The following VDAC1 variants were observed in gnomAD, a reference collection of about 807,000 sequenced individuals.
VDAC1 encodes non-selective voltage-gated ion channel VDAC1.
Under a neutral mutation model 34.7 loss-of-function variants are expected in VDAC1, and 10 were observed. The observed-to-expected ratio is 0.29, with a 90% CI of 0.18 to 0.49. VDAC1 has a LOEUF of 0.49. Ranked by LOEUF, VDAC1 falls within the 20% of genes least tolerant of loss-of-function variation. VDAC1 has a pLI of 0.99. For missense variants in VDAC1, 230 were observed against 347.9 expected, an observed-to-expected ratio of 0.66 and a Z score of 2.69; for synonymous variants, 130 against 136.0, an observed-to-expected ratio of 0.96 and a Z score of 0.30.
At chr5:134,032,336 G>A in the VDAC1 span, among the ~76,000 whole-genome samples, 1 of 152,038 alleles carries the variant, frequency 6.6e-6, no homozygotes, top group African/African-American at 2.4e-5. Flanking sequence ...GACAATGAAT[G>A]TGTGTGGTTT....
chr5:134,090,158 A>G, the VDAC1 span, among the ~76,000 whole-genome samples: 1 of 152,248 alleles, frequency 6.6e-6, no homozygotes, highest in East Asian at 1.9e-4. Context: ...ACCTCCGAGC[A>G]CTATCCATGC....
At chr5:134,006,755 AAAAAAC>A (rs1204754386), upstream of VDAC1, among the ~76,000 whole-genome samples, 11 of 137,882 alleles carry the variant, frequency 8.0e-5, no homozygotes, top group East Asian at 1.5e-3. Context: ...CCCCAAAAAA[AAAAAAC>A]AAAAAAAAAC....
chr5:134,091,249 T>C, the VDAC1 span, among the ~76,000 whole-genome samples: 1 of 152,336 alleles, frequency 6.6e-6, no homozygotes, highest in Non-Finnish European at 1.5e-5. Flanking sequence ...AGAGCACGGC[T>C]TGTGCCCTGG....
the VDAC1 span, among the ~76,000 whole-genome samples, chr5:134,026,792 C>G: frequency 6.6e-6 from 1 of 152,194 alleles, no homozygotes; most frequent in South Asian, 2.1e-4. Flanking sequence ...TCACCCCAAG[C>G]CTGCATGGAT....
the VDAC1 span, among the ~76,000 whole-genome samples, chr5:134,070,444 C>G: frequency 6.6e-6 from 1 of 151,864 alleles, no homozygotes; most frequent in African/African-American, 2.4e-5. Flanking sequence ...CCACGCCTGG[C>G]TGAACTAAGG....
chr5:133,977,678 T>C (rs1561582095), intron 6 of VDAC1, among the ~76,000 whole-genome samples: 2 of 152,212 alleles, frequency 1.3e-5, no homozygotes, highest in Non-Finnish European at 2.9e-5. Flanking sequence ...TTCAGATTGT[T>C]GTTTATACAC....
chr5:134,103,424 G>A, the VDAC1 span, among the ~76,000 whole-genome samples: 1 of 152,094 alleles, frequency 6.6e-6, no homozygotes, highest in Admixed American at 6.6e-5. Context: ...TGCCAGGCTG[G>A]TGTCATTCTT....
At chr5:134,004,518 C>G (rs1480164105) in intron 1 of VDAC1, 2 of 153,350 alleles carry the variant, frequency 1.3e-5, no homozygotes, top group Admixed American at 6.6e-5. Flanking sequence ...CTCGCGATCC[C>G]TCCCCGCGGC....
At chr5:134,102,251 C>T in the VDAC1 span, among the ~76,000 whole-genome samples, 1 of 152,116 alleles carries the variant, frequency 6.6e-6, no homozygotes, top group African/African-American at 2.4e-5. Flanking sequence ...GAGGAACGGG[C>T]CACAGGGTCA....
the VDAC1 span, among the ~76,000 whole-genome samples, chr5:134,039,594 G>A: frequency 6.6e-6 from 1 of 152,338 alleles, no homozygotes; most frequent in Admixed American, 6.5e-5. Flanking sequence ...CTCCCAAAGT[G>A]CTGGGATTAC....
the VDAC1 span, among the ~76,000 whole-genome samples, chr5:134,040,816 C>T: frequency 1.3e-5 from 2 of 152,192 alleles, no homozygotes; most frequent in African/African-American, 4.8e-5. Context: ...CCAATAGTGT[C>T]TCCTCCCCAG....
the VDAC1 span, among the ~76,000 whole-genome samples, chr5:134,016,582 G>A: frequency 6.6e-6 from 1 of 152,184 alleles, no homozygotes; most frequent in African/African-American, 2.4e-5. Flanking sequence ...ATGCCTAAGT[G>A]GCTGGGACTT....
At chr5:134,036,116 T>G in the VDAC1 span, among the ~76,000 whole-genome samples, 2 of 151,502 alleles carry the variant, frequency 1.3e-5, no homozygotes, top group Non-Finnish European at 2.9e-5. Context: ...ACAAGAAATA[T>G]AATATTTGGA....
chr5:134,067,555 A>G, the VDAC1 span, among the ~76,000 whole-genome samples: 1 of 150,538 alleles, frequency 6.6e-6, no homozygotes, highest in Non-Finnish European at 1.5e-5. Context: ...GCTACCTCAG[A>G]GGCAGATCCA....
the VDAC1 span, among the ~76,000 whole-genome samples, chr5:134,063,533 T>G: frequency 7.2e-5 from 11 of 152,224 alleles, no homozygotes; most frequent in Non-Finnish European, 7.3e-5. Flanking sequence ...GAAAAACACT[T>G]GTGCACTGGG....
intron 1 of VDAC1, among the ~76,000 whole-genome samples, chr5:134,001,670 T>C (rs938340548): frequency 1.4e-5 from 2 of 146,286 alleles, no homozygotes; most frequent in Non-Finnish European, 3.0e-5. Context: ...GGAGCCGAGA[T>C]TGCACCACTG....
chr5:134,061,853 C>T, the VDAC1 span, among the ~76,000 whole-genome samples: 4 of 151,724 alleles, frequency 2.6e-5, no homozygotes, highest in South Asian at 2.1e-4. Context: ...CAGATTTTAA[C>T]GGAAATGCTT....
the VDAC1 span, among the ~76,000 whole-genome samples, chr5:134,035,527 C>T: frequency 6.6e-6 from 1 of 152,146 alleles, no homozygotes; most frequent in Non-Finnish European, 1.5e-5. Context: ...CGATTACAGG[C>T]TTAAGCCAAC....
Position 133,972,168 on chromosome 5 carries a change from GC to G in VDAC1, c.*602del, listed in dbSNP as rs367588921. ...AGCTATTTCATACTCTGGTGCAAGG[GC>G]CAAAAAAAAACACAACACAAGAAGG... On this transcript the variant is annotated 3_prime_UTR_variant, in exon 9 of 9. Coordinates refer to ENST00000265333, the MANE Select transcript of VDAC1 (RefSeq NM_003374.3). The G allele has an allele frequency of 3.0e-3, 458 of 153,882 alleles. 3 individuals are homozygous for G. Among genetic ancestry groups the G allele is most frequent in the African/African-American group, 0.01 (430 of 41,544 alleles). The allele number at this position is 153,882 out of a possible 1,614,324, so 9.5% of individuals were successfully genotyped here.
Sources: allele counts gnomAD v4.1 joint callset (sites outside exome capture counted in the v4.1 genomes callset), GRCh38; gene constraint gnomAD v4.1.1; transcripts MANE v1.5; gene names NCBI Gene and HGNC (gene_info 2026-07-23, HGNC 2026-07-21).